SRPK2: variants seen among roughly 807,000 people sequenced by gnomAD.
SRPK2 encodes the protein SRSF protein kinase 2.
Under a neutral mutation model 90.8 loss-of-function variants are expected in SRPK2, and 21 were observed. The observed-to-expected ratio is 0.23, with a 90% CI of 0.16 to 0.33. SRPK2 has a LOEUF of 0.33. Ranked by LOEUF, SRPK2 falls within the 10% of genes least tolerant of loss-of-function variation. The probability of loss-of-function intolerance (pLI) is 1.00; values close to 1 mark genes in which losing one functional copy is unlikely to be tolerated. For missense variants in SRPK2, 620 were observed against 869.0 expected, an observed-to-expected ratio of 0.71 and a Z score of 3.60; for synonymous variants, 288 against 311.1, an observed-to-expected ratio of 0.93 and a Z score of 0.78.
intron 2 of SRPK2, among the ~76,000 whole-genome samples, chr7:105,380,817 C>T (rs954829826): frequency 6.6e-6 from 1 of 151,796 alleles, no homozygotes; most frequent in South Asian, 2.1e-4. Flanking sequence ...CTACCACGCC[C>T]AGCTGCTAAA....
chr7:105,388,526 A>C, intron 2 of SRPK2, 122 bp downstream of exon 2: 1 of 675,314 alleles, frequency 1.5e-6, no homozygotes, highest in Non-Finnish European at 2.0e-6. Context: ...GCCGAGCGCC[A>C]GCGTCCCGGG....
In SRPK2 at chr7:105,327,810, C is replaced by T. The variant is rs78842723; in HGVS notation, c.71+60838G>A. Among the ~76,000 whole-genome samples, 778 of 152,304 alleles carry T rather than the reference C, an allele frequency of 5.1e-3. 11 individuals are homozygous for T. The East Asian group carries it at 0.055, about 11-fold the overall frequency. On this transcript the variant is annotated intron_variant, in intron 2 of 15. Transcript: ENST00000393651. Reference sequence around the variant, plus strand: ...TATAGGAGTTTTTTTGTTTTTGTTTCTGTTTTTTGAGACGGAGTCTCGCTC... The same window carrying T: ...TATAGGAGTTTTTTTGTTTTTGTTTTTGTTTTTTGAGACGGAGTCTCGCTC...
At chr7:105,278,422 C>G (rs1264264614) in intron 2 of SRPK2, among the ~76,000 whole-genome samples, 4 of 151,536 alleles carry the variant, frequency 2.6e-5, no homozygotes, top group African/African-American at 7.3e-5. Flanking sequence ...AACTGTAATC[C>G]CAGCACTTTG....
At chr7:105,316,181 T>G (rs1342233287) in intron 2 of SRPK2, among the ~76,000 whole-genome samples, 1 of 152,116 alleles carries the variant, frequency 6.6e-6, no homozygotes, top group Non-Finnish European at 1.5e-5. Flanking sequence ...CCCGCCATGA[T>G]GCCCAGATAA....
chr7:105,286,223 T>C (rs1452999588), intron 2 of SRPK2, among the ~76,000 whole-genome samples: 2 of 152,212 alleles, frequency 1.3e-5, no homozygotes, highest in Non-Finnish European at 2.9e-5. Flanking sequence ...ATGACATTCC[T>C]TTACATTCAT....
chr7:105,229,206 G>A (rs897964423), intron 2 of SRPK2, among the ~76,000 whole-genome samples: 1 of 152,196 alleles, frequency 6.6e-6, no homozygotes, highest in African/African-American at 2.4e-5. Flanking sequence ...GCTCACGCCC[G>A]TAATACCAGC....
intron 2 of SRPK2, among the ~76,000 whole-genome samples, chr7:105,352,616 G>A (rs1053610371): frequency 2.0e-5 from 3 of 152,222 alleles, no homozygotes; most frequent in Admixed American, 6.5e-5. Context: ...AATACAACTA[G>A]GGGCTGGGTG....
intron 13 of SRPK2, among the ~76,000 whole-genome samples, chr7:105,130,097 A>G (rs1456321298): frequency 1.3e-5 from 2 of 152,200 alleles, no homozygotes; most frequent in African/African-American, 4.8e-5. Flanking sequence ...AAGAAAAGTA[A>G]AACAGATCCA....
chr7:105,376,882 T>TACACACACACAC lies in SRPK2; in HGVS notation c.71+11754_71+11765dup, dbSNP rs34080086. ...TTAATAAAAAGCACCTTTTCTCCTT[T>TACACACACACAC]ACACACACACACACACACACACACA... On this transcript the variant is annotated intron_variant, in intron 2 of 15. Transcript: ENST00000393651. Among the ~76,000 whole-genome samples, 183 of 121,036 alleles carry TACACACACACAC rather than the reference T, an allele frequency of 1.5e-3. 1 individual carries two copies. Among genetic ancestry groups the TACACACACACAC allele is most frequent in the East Asian group, 0.013 (56 of 4,192 alleles). The allele number at this position is 121,036 out of a possible 152,430, so 79.4% of individuals were successfully genotyped here.
At chr7:105,388,486 CT>C (rs1194245376) in intron 2 of SRPK2, among the ~76,000 whole-genome samples, 161 bp downstream of exon 2, 1 of 147,716 alleles carries the variant, frequency 6.8e-6, no homozygotes, top group Non-Finnish European at 1.5e-5. Flanking sequence ...GCCGCCGCCC[CT>C]CCCCCCGGGC....
At chr7:105,311,992 T>C (rs957764755) in intron 2 of SRPK2, among the ~76,000 whole-genome samples, 2 of 152,220 alleles carry the variant, frequency 1.3e-5, no homozygotes, top group African/African-American at 2.4e-5. Context: ...TTGTGGTACA[T>C]ATATACAATG....
At chr7:105,349,000 GC>G (rs1816815463) in intron 2 of SRPK2, among the ~76,000 whole-genome samples, 1 of 149,754 alleles carries the variant, frequency 6.7e-6, no homozygotes, top group Non-Finnish European at 1.5e-5. Flanking sequence ...ACAAAAATTA[GC>G]CGGGCGTGGT....
intron 2 of SRPK2, among the ~76,000 whole-genome samples, chr7:105,228,640 C>A (rs1394737488): frequency 7.9e-5 from 12 of 152,322 alleles, no homozygotes; most frequent in Admixed American, 3.9e-4. Context: ...CACCCTCTCT[C>A]AGGCCTCGGG....
intron 2 of SRPK2, among the ~76,000 whole-genome samples, chr7:105,362,934 C>T (rs140284188): frequency 0.011 from 1,720 of 152,118 alleles, 19 homozygotes; most frequent in Middle Eastern, 0.017. Context: ...AGCAAACTAT[C>T]GCATGGACAG....
chr7:105,290,970 G>T lies in SRPK2; in HGVS notation c.72-87185C>A, dbSNP rs1297786514. 2.3e-4 allele frequency among the ~76,000 whole-genome samples: 35 copies of T among 149,814 alleles called. 1 individual carries two copies. ...GGAGAATGGCGTGAACCCGGGAAGC[G>T]GAGCTTGCAGTGAGCCGAGATTGCG... On this transcript the variant is annotated intron_variant, in intron 2 of 15. Transcript: ENST00000393651.
At chr7:105,261,382 A>G (rs1289574062) in intron 2 of SRPK2, among the ~76,000 whole-genome samples, 3 of 151,966 alleles carry the variant, frequency 2.0e-5, no homozygotes, top group Non-Finnish European at 2.9e-5. Context: ...TTAGCCAGGC[A>G]TTGTGGCGGG....
chr7:105,388,270 A>C (rs1821874048), intron 2 of SRPK2, among the ~76,000 whole-genome samples: 1 of 151,504 alleles, frequency 6.6e-6, no homozygotes, highest in African/African-American at 2.4e-5. Flanking sequence ...GGCGGGCCGG[A>C]GCCCAGCGGC....
intron 2 of SRPK2, among the ~76,000 whole-genome samples, chr7:105,286,987 C>T (rs58572049): frequency 0.05 from 7,613 of 152,138 alleles, 642 homozygotes; most frequent in African/African-American, 0.17. Flanking sequence ...GCAGGCCGGG[C>T]GCGGTGGCTC....
chr7:105,340,072 A>G (rs1815567401), intron 2 of SRPK2, among the ~76,000 whole-genome samples: 1 of 152,054 alleles, frequency 6.6e-6, no homozygotes, highest in Admixed American at 6.6e-5. Context: ...AAAAGGAAAA[A>G]AAAAAAAAAG....
Sources: allele counts gnomAD v4.1 joint callset (sites outside exome capture counted in the v4.1 genomes callset), GRCh38; gene constraint gnomAD v4.1.1; transcripts MANE v1.5; gene names NCBI Gene and HGNC (gene_info 2026-07-23, HGNC 2026-07-21).